SDK1: variants seen among roughly 807,000 people sequenced by gnomAD.
SDK1 encodes the protein sidekick cell adhesion molecule 1, also known as protein sidekick-1.
A neutral mutation model predicts 245.5 loss-of-function variants in SDK1; 157 were observed. That is an observed-to-expected ratio of 0.64 (90% CI 0.56 to 0.73). SDK1 has a LOEUF of 0.73. Among genes scored for constraint, SDK1 ranks in the 30% least tolerant of loss-of-function variants. SDK1 has a pLI of 0.00. For synonymous variants in SDK1, 1,647 were observed against 1,278.5 expected (o/e 1.29, Z -6.15); for missense variants, 3,583 against 3,002.3 (o/e 1.19, Z -4.52).
intron 1 of SDK1, among the ~76,000 whole-genome samples, chr7:3,474,483 C>T (rs1158849686): frequency 6.6e-6 from 1 of 152,074 alleles, no homozygotes; most frequent in African/African-American, 2.4e-5. Flanking sequence ...CCTCCAGTCC[C>T]TTGGCCTACC....
chr7:3,708,859 G>T (rs1433707660), intron 4 of SDK1, among the ~76,000 whole-genome samples: 3 of 152,348 alleles, frequency 2.0e-5, no homozygotes, highest in African/African-American at 4.8e-5. Context: ...TTCTGCCCAT[G>T]TGTATCTTTT....
At position 3,775,806 on chromosome 7, in the gene SDK1, G is replaced by C. The variant is rs188661828; in HGVS notation, c.714-45644G>C. On this transcript the variant is annotated intron_variant, in intron 4 of 44. Coordinates refer to ENST00000404826, the MANE Select transcript of SDK1 (RefSeq NM_152744.4). ...TTAGCCAGGATGGTCTCGATCTCCT[G>C]ACCTCATGATCCACCCGCCTCGGCC... Among the ~76,000 whole-genome samples, 31 of 152,170 alleles carry C rather than the reference G, an allele frequency of 2.0e-4. No homozygotes were observed. The East Asian group carries it at 2.9e-3, about 14-fold the overall frequency.
chr7:3,644,432 G>T (rs899345624), intron 4 of SDK1, among the ~76,000 whole-genome samples: 2 of 151,574 alleles, frequency 1.3e-5, no homozygotes, highest in Non-Finnish European at 2.9e-5. Context: ...AAAAATGAAG[G>T]ATCAATTTTT....
At chr7:4,258,543 C>T (rs1583190969) in intron 44 of SDK1, among the ~76,000 whole-genome samples, 1 of 152,340 alleles carries the variant, frequency 6.6e-6, no homozygotes, top group East Asian at 1.9e-4. Context: ...GAAGGTATCT[C>T]CTCCCTGCTA....
At chr7:3,957,334 A>G (rs192751961) in intron 7 of SDK1, among the ~76,000 whole-genome samples, 1 of 152,296 alleles carries the variant, frequency 6.6e-6, no homozygotes, top group Non-Finnish European at 1.5e-5. Context: ...GGTTGATTGT[A>G]TCAGTAGCAG....
At position 4,011,107 on chromosome 7, in the gene SDK1, C is replaced by T. The variant is rs1785914242; in HGVS notation, c.2273C>T (p.Thr758Ile). The T allele has an allele frequency of 2.5e-6, 4 of 1,613,670 alleles. No homozygotes were observed. Among genetic ancestry groups the T allele is most frequent in the Non-Finnish European group, 3.4e-6 (4 of 1,179,968 alleles). The stretch of plus-strand genomic sequence containing the variant: ...GGCAGGGGCCAGTACAGCGCCGAGA[C>T]AAGCAGGTGCGTGAATCCCGCCCCA... ...EVGRGQYSAE[T>I]SRLMLPEEPP... Residue 758 changes from threonine (T) to isoleucine (I), a missense_variant, in exon 15 of 45, where the codon ACA (threonine) becomes ATA (isoleucine). Coordinates refer to ENST00000404826, the MANE Select transcript of SDK1 (RefSeq NM_152744.4).
At chr7:3,628,599 C>G (rs1010820410) in intron 2 of SDK1, among the ~76,000 whole-genome samples, 3 of 152,094 alleles carry the variant, frequency 2.0e-5, no homozygotes, top group South Asian at 4.2e-4. Context: ...GGATACGTGG[C>G]TTATGTGAAA....
chr7:4,130,818 G>A (rs563091167), intron 27 of SDK1, among the ~76,000 whole-genome samples: 35 of 152,120 alleles, frequency 2.3e-4, no homozygotes, highest in African/African-American at 7.5e-4. Context: ...AGAGAAATGC[G>A]GATCTCTCCC....
rs139800873 is a variant in SDK1, at chr7:3,616,320, G to T, written c.299-2760G>T. 1.5e-4 allele frequency among the ~76,000 whole-genome samples: 23 copies of T among 152,302 alleles called. No individual in the cohort carries two copies. The East Asian group carries it at 4.4e-3, about 29-fold the overall frequency. On this transcript the variant is annotated intron_variant, in intron 1 of 44. Coordinates refer to ENST00000404826, the MANE Select transcript of SDK1 (RefSeq NM_152744.4). The stretch of plus-strand genomic sequence containing the variant: ...ACTTGAATGTGAGGTGGGCAGCATG[G>T]ACAGTCACGCAACGATGAGGTGGGA...
chr7:4,093,086 A>C (rs1446179960), intron 22 of SDK1, among the ~76,000 whole-genome samples: 1 of 152,114 alleles, frequency 6.6e-6, no homozygotes, highest in Non-Finnish European at 1.5e-5. Context: ...AAGGCCCTAT[A>C]ATAAGTTGAT....
chr7:3,808,871 T>G (rs1031448398), intron 4 of SDK1, among the ~76,000 whole-genome samples: 2 of 152,162 alleles, frequency 1.3e-5, no homozygotes, highest in African/African-American at 4.8e-5. Context: ...CATTAAAAAT[T>G]GGATTTTCAT....
chr7:3,408,877 A>G (rs1779122589), intron 1 of SDK1, among the ~76,000 whole-genome samples: 1 of 152,192 alleles, frequency 6.6e-6, no homozygotes, highest in Admixed American at 6.5e-5. Flanking sequence ...AAAGGCTTGC[A>G]GTATTTATTT....
At chr7:4,074,014 G>T (rs954468396) in intron 20 of SDK1, among the ~76,000 whole-genome samples, 1 of 152,142 alleles carries the variant, frequency 6.6e-6, no homozygotes, top group African/African-American at 2.4e-5. Context: ...ATTGGTTGTT[G>T]GGCAGGGGGC....
chr7:4,231,126 C>T (rs1785733211), intron 40 of SDK1, among the ~76,000 whole-genome samples: 1 of 152,176 alleles, frequency 6.6e-6, no homozygotes, highest in African/African-American at 2.4e-5. Flanking sequence ...CACATACAAC[C>T]AGCATAAACT....
chr7:3,889,570 C>T (rs887461201), intron 5 of SDK1, among the ~76,000 whole-genome samples: 3 of 152,094 alleles, frequency 2.0e-5, no homozygotes, highest in African/African-American at 7.2e-5. Flanking sequence ...TGCAGAGGAG[C>T]GATCTCAGCT....
intron 5 of SDK1, among the ~76,000 whole-genome samples, chr7:3,911,020 T>A (rs1779143873): frequency 6.6e-6 from 1 of 152,192 alleles, no homozygotes. Context: ...GCGCCACTGA[T>A]GCACAGCCTT....
At position 3,433,028 on chromosome 7, in the gene SDK1, T is replaced by C. The variant is rs536571152; in HGVS notation, c.298+131144T>C. On this transcript the variant is annotated intron_variant, in intron 1 of 44. Transcript: ENST00000404826. ...AGGTTTCTATCCAAGTTACGCAGTT[T>C]TTCATTCATTTTAGAGGAAGATTTT... Among the ~76,000 whole-genome samples, 51 of 152,348 alleles carry C rather than the reference T, an allele frequency of 3.3e-4. 1 individual carries two copies. The Middle Eastern group carries it at 0.01, about 30-fold the overall frequency.
chr7:4,187,761 C>T (rs915529277), intron 35 of SDK1, among the ~76,000 whole-genome samples: 5 of 152,146 alleles, frequency 3.3e-5, no homozygotes, highest in African/African-American at 1.2e-4. Flanking sequence ...ACAAGGGGAA[C>T]GTTTTTATGG....
chr7:3,697,599 G>C (rs896940499), intron 4 of SDK1, among the ~76,000 whole-genome samples: 1 of 151,986 alleles, frequency 6.6e-6, no homozygotes, highest in African/African-American at 2.4e-5. Context: ...ATGATTCTTT[G>C]ACCATCTTCA....
Sources: gnomAD v4.1 joint callset for allele counts (sites outside exome capture counted in the v4.1 genomes callset) on GRCh38, gnomAD v4.1.1 for gene constraint, MANE v1.5 for transcripts, NCBI Gene and HGNC (gene_info 2026-07-23, HGNC 2026-07-21) for gene names.